EYS: variants seen among roughly 807,000 people sequenced by gnomAD.
EYS encodes EGF-like photoreceptor maintenance factor.
A neutral mutation model predicts 282.1 loss-of-function variants in EYS; 250 were observed. The ratio of observed to expected loss-of-function variants is 0.89; its 90% CI spans 0.80 to 0.98. The LOEUF is 0.98. Ranked by LOEUF, EYS falls within the 50% of genes least tolerant of loss-of-function variation. The pLI is 0.00. For missense variants in EYS, 4,016 were observed against 3,709.0 expected (o/e 1.08, Z -2.15); for synonymous variants, 1,355 against 1,282.9 (o/e 1.06, Z -1.20).
At chr6:64,711,012 G>T (rs1771195137) in intron 22 of EYS, among the ~76,000 whole-genome samples, 1 of 152,136 alleles carries the variant, frequency 6.6e-6, no homozygotes, top group South Asian at 2.1e-4. Flanking sequence ...AAAGAAAAAT[G>T]CCGTACCGTA....
intron 31 of EYS, among the ~76,000 whole-genome samples, chr6:64,165,194 G>C (rs1014735713): frequency 6.6e-6 from 1 of 151,986 alleles, no homozygotes; most frequent in African/African-American, 2.4e-5. Flanking sequence ...AACTAAAAAA[G>C]CAGAGTGTCT....
At chr6:64,478,672 C>T (rs142955719) in intron 26 of EYS, among the ~76,000 whole-genome samples, 1,879 of 150,348 alleles carry the variant, frequency 0.012, 28 homozygotes, top group African/African-American at 0.036. Context: ...TATTTAATAC[C>T]CATAATAATC....
At chr6:64,307,169 T>C in intron 29 of EYS, 87 bp from the exon 30 acceptor site, 1 of 661,142 alleles carries the variant, frequency 1.5e-6, no homozygotes, top group Admixed American at 3.0e-5. Context: ...GGTCAGGGTA[T>C]GCAACTGGAT....
chr6:64,559,585 C>A (rs1765335587), intron 26 of EYS, among the ~76,000 whole-genome samples: 1 of 151,762 alleles, frequency 6.6e-6, no homozygotes, highest in Non-Finnish European at 1.5e-5. Context: ...CTAAAGTTTT[C>A]CTATATGATG....
chr6:64,414,805 G>T (rs1774013440), intron 28 of EYS, among the ~76,000 whole-genome samples: 1 of 152,106 alleles, frequency 6.6e-6, no homozygotes, highest in African/African-American at 2.4e-5. Flanking sequence ...AACAATCAGG[G>T]TTGATGTAAG....
chr6:64,054,027 A>G (rs968965980), intron 33 of EYS, among the ~76,000 whole-genome samples: 2 of 152,040 alleles, frequency 1.3e-5, no homozygotes, highest in African/African-American at 4.8e-5. Context: ...TAACATTTCA[A>G]CCCTTATATA....
At chr6:64,633,581 C>T (rs1767866712) in intron 22 of EYS, among the ~76,000 whole-genome samples, 1 of 148,694 alleles carries the variant, frequency 6.7e-6, no homozygotes, top group Admixed American at 6.8e-5. Flanking sequence ...AACTGGGACT[C>T]AGTCTGACTG....
intron 30 of EYS, among the ~76,000 whole-genome samples, chr6:64,295,646 G>T (rs1026721228): frequency 6.8e-6 from 1 of 148,006 alleles, no homozygotes; most frequent in Non-Finnish European, 1.5e-5. Context: ...GGAGAATGGC[G>T]TGAACCGAGA....
At chr6:65,480,573 T>C (rs763637971) in intron 5 of EYS, among the ~76,000 whole-genome samples, 4 of 152,086 alleles carry the variant, frequency 2.6e-5, no homozygotes, top group Admixed American at 2.0e-4. Flanking sequence ...ATGGACTTTC[T>C]GATAAGAAGA....
chr6:64,500,681 G>C (rs1004707769), intron 26 of EYS, among the ~76,000 whole-genome samples: 3 of 152,042 alleles, frequency 2.0e-5, no homozygotes, highest in Non-Finnish European at 4.4e-5. Flanking sequence ...TCCTAGAAAG[G>C]AATTAGTGGA....
intron 9 of EYS, among the ~76,000 whole-genome samples, chr6:65,348,868 T>A (rs571305179): frequency 6.6e-6 from 1 of 151,858 alleles, no homozygotes; most frequent in Admixed American, 6.6e-5. Context: ...AAGTCTTTAA[T>A]CCATTTTGAT....
chr6:64,954,107 T>C (rs1178936440), intron 14 of EYS, among the ~76,000 whole-genome samples: 3 of 152,016 alleles, frequency 2.0e-5, no homozygotes, highest in African/African-American at 7.2e-5. Context: ...CTATATCTAG[T>C]AAATCTACTA....
chr6:65,627,841 C>T (rs34000571), intron 2 of EYS, among the ~76,000 whole-genome samples: 55,239 of 152,138 alleles, frequency 0.36, 11,366 homozygotes, highest in African/African-American at 0.57. Context: ...TCCATGGGCT[C>T]CTGTGCGCCC....
At chr6:65,645,314 A>G (rs1011629852) in intron 1 of EYS, among the ~76,000 whole-genome samples, 3 of 152,214 alleles carry the variant, frequency 2.0e-5, no homozygotes, top group Admixed American at 6.5e-5. Flanking sequence ...ATTTAAGAAA[A>G]TCAAAATTAT....
At chr6:64,111,500 A>T in intron 31 of EYS, among the ~76,000 whole-genome samples, 1 of 152,102 alleles carries the variant, frequency 6.6e-6, no homozygotes. Flanking sequence ...GAGGGCAACA[A>T]TTTTTTTTCT....
intron 18 of EYS, among the ~76,000 whole-genome samples, chr6:64,900,999 C>T (rs1205708951): frequency 6.6e-6 from 1 of 151,798 alleles, no homozygotes; most frequent in Non-Finnish European, 1.5e-5. Context: ...CCAAAATGCC[C>T]ATCAATGTTA....
At chr6:65,691,253 G>A (rs1299523459) in intron 1 of EYS, among the ~76,000 whole-genome samples, 1 of 150,180 alleles carries the variant, frequency 6.7e-6, no homozygotes, top group Non-Finnish European at 1.5e-5. Context: ...GTTGCTTCCT[G>A]ACTTTTTAAT....
intron 33 of EYS, among the ~76,000 whole-genome samples, chr6:64,024,094 C>T (rs1425272344): frequency 6.6e-6 from 1 of 152,226 alleles, no homozygotes; most frequent in Non-Finnish European, 1.5e-5. Context: ...CCAGTCCCAT[C>T]GACCACCCAA....
chr6:64,341,967 A>C (rs549646140), intron 29 of EYS, among the ~76,000 whole-genome samples: 107 of 151,780 alleles, frequency 7.0e-4, no homozygotes, highest in African/African-American at 2.5e-3. Context: ...ATTTAACAAC[A>C]AATAAGTAAA....
Sources: gnomAD v4.1 joint callset for allele counts (sites outside exome capture counted in the v4.1 genomes callset) on GRCh38, gnomAD v4.1.1 for gene constraint, MANE v1.5 for transcripts, NCBI Gene and HGNC (gene_info 2026-07-23, HGNC 2026-07-21) for gene names.